Variants in PLAGL1 observed in about 807,000 individuals in gnomAD.
PLAGL1 encodes the protein zinc finger protein PLAGL1.
A neutral mutation model predicts 4.6 loss-of-function variants in PLAGL1; 1 was observed. The ratio of observed to expected loss-of-function variants is 0.22; its 90% CI spans 0.08 to 1.03. PLAGL1 has a LOEUF of 1.03. PLAGL1 is among the 50% of genes least tolerant of loss of function. PLAGL1 has a pLI of 0.58. For missense variants in PLAGL1, 464 were observed against 570.4 expected, an observed-to-expected ratio of 0.81 and a Z score of 1.90; for synonymous variants, 240 against 237.8, an observed-to-expected ratio of 1.01 and a Z score of -0.08.
At chr6:144,020,441 C>T (rs886143634) in intron 1 of PLAGL1, among the ~76,000 whole-genome samples, 5 of 151,966 alleles carry the variant, frequency 3.3e-5, no homozygotes, top group African/African-American at 4.8e-5. Context: ...GTGCGGGTCA[C>T]CACACCCAGT....
chr6:144,023,768 C>CTTTTTTTTTTTT (rs34002736), intron 1 of PLAGL1, among the ~76,000 whole-genome samples: 3 of 72,638 alleles, frequency 4.1e-5, no homozygotes, highest in African/African-American at 1.1e-4. Flanking sequence ...TCATATTTAG[C>CTTTTTTTTTTTT]TTTTTTTTTT....
At chr6:144,021,482 C>A (rs1276560754) in intron 1 of PLAGL1, among the ~76,000 whole-genome samples, 3 of 152,128 alleles carry the variant, frequency 2.0e-5, no homozygotes, top group Non-Finnish European at 2.9e-5. Flanking sequence ...CGGAGAAAAA[C>A]AACTTTTATA....
At chr6:144,043,797 C>T (rs911287093) in intron 1 of PLAGL1, among the ~76,000 whole-genome samples, 4 of 152,198 alleles carry the variant, frequency 2.6e-5, no homozygotes, top group East Asian at 3.9e-4. Flanking sequence ...GCTGTGAATC[C>T]GTCTGGTCCT....
rs1023756723 is a variant in PLAGL1, at chr6:143,947,523, C to T, written c.152+462G>A. On this transcript the variant is annotated intron_variant, in intron 7 of 7. Transcript: ENST00000674357. This position sits in a 1 kb window ranked among gnomAD's most constrained non-coding sequence, Gnocchi z 4.3. ...CTCATCTGCTCCTCCTCGGATAGTA[C>T]CCTCTGCACATGGGTGCTTTAAGGC... is the stretch of plus-strand genomic sequence containing the variant. 3.9e-5 allele frequency among the ~76,000 whole-genome samples: 6 copies of T among 152,238 alleles called. No homozygotes were observed. Among genetic ancestry groups the T allele is most frequent in the Non-Finnish European group, 7.3e-5 (5 of 68,046 alleles).
In PLAGL1 at chr6:144,019,222, C is replaced by G. The variant is rs555285947; in HGVS notation, c.-151+45246G>C. Reference sequence around the variant, plus strand: ...AGGCACTGTGGCTCATGCCTGTAATCCCAGCACTTTGGGAGGCCAAGTGGG... The same window carrying G: ...AGGCACTGTGGCTCATGCCTGTAATGCCAGCACTTTGGGAGGCCAAGTGGG... On this transcript the variant is annotated intron_variant, in intron 1 of 3. Coordinates refer to the PLAGL1 transcript ENST00000437412. Among the ~76,000 whole-genome samples, 5 of 152,274 alleles carry G rather than the reference C, an allele frequency of 3.3e-5. No homozygotes were observed. In the East Asian group the frequency reaches 7.7e-4, roughly 24 times the overall value.
chr6:144,063,535 C>T lies in PLAGL1; in HGVS notation c.-151+933G>A, dbSNP rs973693174. Among the ~76,000 whole-genome samples the T allele has an allele frequency of 6.6e-6, 1 of 152,240 alleles. No homozygotes were observed. Among genetic ancestry groups the T allele is most frequent in the Non-Finnish European group, 1.5e-5 (1 of 68,048 alleles). On this transcript the variant is annotated intron_variant, in intron 1 of 3. Coordinates refer to the PLAGL1 transcript ENST00000437412. This position sits in a 1 kb window ranked among gnomAD's most constrained non-coding sequence, Gnocchi z 5.7. ...TAGGCAGCGACGCACAAAACATAAA[C>T]CCTGTCATATCATTATTTATTCCGT...
At position 143,950,097 on chromosome 6, in the gene PLAGL1, A is replaced by G. The variant is rs1459135957; in HGVS notation, c.-324-1637T>C. On this transcript the variant is annotated intron_variant, in intron 6 of 7. Coordinates refer to ENST00000674357, the MANE Select transcript of PLAGL1 (RefSeq NM_001317162.2). The surrounding 1 kb of genome is among the most constrained non-coding windows in gnomAD (Gnocchi z 6.3). ...CGGTACCAAGCAAATACCCCTCACC[A>G]TCCTGCCTCACCCACTTGGAAACGT... Among the ~76,000 whole-genome samples, 1 of 152,054 alleles carries G rather than the reference A, an allele frequency of 6.6e-6. No homozygotes were observed. The highest frequency in any genetic ancestry group is 6.5e-5 in the Admixed American group (1 of 15,268).
chr6:143,972,852 G>C lies in PLAGL1; in HGVS notation c.-543-3874C>G, dbSNP rs1785696543. 6.6e-6 allele frequency among the ~76,000 whole-genome samples: 1 copy of C among 152,164 alleles called. No individual in the cohort carries two copies. Among genetic ancestry groups the C allele is most frequent in the Admixed American group, 6.5e-5 (1 of 15,278 alleles). ...TACTCTACTTCTGTGTTTAAAAAAA[G>C]AGGGCGGGTGGAGAATCAACTTCTA... On this transcript the variant is annotated intron_variant, in intron 2 of 7. Transcript: ENST00000674357. This position sits in a 1 kb window ranked among gnomAD's most constrained non-coding sequence, Gnocchi z 6.8.
At position 143,959,085 on chromosome 6, in the gene PLAGL1, G is replaced by A. The variant is rs1439003454; in HGVS notation, c.-325+1384C>T. 6.6e-6 allele frequency among the ~76,000 whole-genome samples: 1 copy of A among 152,196 alleles called. No homozygotes were observed. Among genetic ancestry groups the A allele is most frequent in the Non-Finnish European group, 1.5e-5 (1 of 68,036 alleles). On this transcript the variant is annotated intron_variant, in intron 6 of 7. Coordinates refer to ENST00000674357, the MANE Select transcript of PLAGL1 (RefSeq NM_001317162.2). This position sits in a 1 kb window ranked among gnomAD's most constrained non-coding sequence, Gnocchi z 5.3. ...GCAGGCAGCTTTCATGTGCTGCTCT[G>A]CGCTCCCCGTCGCCCCGGAGGCCGG...
rs185096879 is a variant in PLAGL1, at chr6:144,053,425, C to T, written c.-151+11043G>A. Among the ~76,000 whole-genome samples, 16 of 152,336 alleles carry T rather than the reference C, an allele frequency of 1.1e-4. No homozygotes were observed. The East Asian group carries it at 2.9e-3, about 28-fold the overall frequency. ...CTGGTGTTACAGGCGTGAGCCACCA[C>T]ACCCGGCCTAATTAGTCATTAATTC... On this transcript the variant is annotated intron_variant, in intron 1 of 3. Coordinates refer to the PLAGL1 transcript ENST00000437412. The surrounding 1 kb of genome is among the most constrained non-coding windows in gnomAD (Gnocchi z 4.0).
intron 1 of PLAGL1, among the ~76,000 whole-genome samples, chr6:144,030,043 G>A (rs569219075): frequency 3.8e-4 from 58 of 152,168 alleles, no homozygotes; most frequent in Non-Finnish European, 7.5e-4. Flanking sequence ...CATGAGGTCA[G>A]GAGATCGAGA....
Position 144,054,922 on chromosome 6 carries a change from T to C in PLAGL1, c.-151+9546A>G, listed in dbSNP as rs1010610157. On this transcript the variant is annotated intron_variant, in intron 1 of 3. Transcript: ENST00000437412. ...AAATTTGTAAAGGAAATGCAACATA[T>C]AAATAATAGAAATTTAATGCCATTT... 2.0e-5 allele frequency among the ~76,000 whole-genome samples: 3 copies of C among 152,004 alleles called. No homozygotes were observed. In the South Asian group the frequency reaches 6.2e-4, roughly 31 times the overall value.
chr6:143,964,140 C>T lies in PLAGL1; in HGVS notation c.-399+647G>A, dbSNP rs1783946907. On this transcript the variant is annotated intron_variant, in intron 5 of 7. Coordinates refer to ENST00000674357, the MANE Select transcript of PLAGL1 (RefSeq NM_001317162.2). This position sits in a 1 kb window ranked among gnomAD's most constrained non-coding sequence, Gnocchi z 4.3. ...TATGTCAGTCCCCAGCAATAGAGGC[C>T]CTGGCACCCCTCTGTTCCCTAAGGC... Among the ~76,000 whole-genome samples the T allele has an allele frequency of 6.6e-6, 1 of 152,058 alleles. No individual in the cohort carries two copies. The highest frequency in any genetic ancestry group is 2.1e-4 in the South Asian group (1 of 4,820).
At chr6:144,014,351 A>C (rs1583704354) in intron 1 of PLAGL1, among the ~76,000 whole-genome samples, 1 of 151,924 alleles carries the variant, frequency 6.6e-6, no homozygotes, top group South Asian at 2.1e-4. Flanking sequence ...AATTGCTTTA[A>C]CCTTAAGGTG....
chr6:144,023,270 A>AT (rs1022581734), intron 1 of PLAGL1, among the ~76,000 whole-genome samples: 14 of 151,642 alleles, frequency 9.2e-5, no homozygotes, highest in Admixed American at 2.6e-4. Flanking sequence ...GGATTTGGGG[A>AT]TTTTTTTTTA....
In PLAGL1 at chr6:144,039,159, G is replaced by C. The variant is rs1797520533; in HGVS notation, c.-151+25309C>G. ...ATAAAAAGTGATTACAAATAAATAA[G>C]GAAGAGACAATCCAAAAGAAAAATG... On this transcript the variant is annotated intron_variant, in intron 1 of 3. Transcript: ENST00000437412. The surrounding 1 kb of genome is among the most constrained non-coding windows in gnomAD (Gnocchi z 4.1). Among the ~76,000 whole-genome samples, 1 of 151,900 alleles carries C rather than the reference G, an allele frequency of 6.6e-6. No homozygotes were observed. Among genetic ancestry groups the C allele is most frequent in the Admixed American group, 6.6e-5 (1 of 15,230 alleles).
chr6:143,952,364 G>A lies in PLAGL1; in HGVS notation c.-324-3904C>T, dbSNP rs1238545776. 1.3e-5 allele frequency among the ~76,000 whole-genome samples: 2 copies of A among 152,188 alleles called. No homozygotes were observed. Among genetic ancestry groups the A allele is most frequent in the African/African-American group, 4.8e-5 (2 of 41,430 alleles). On this transcript the variant is annotated intron_variant, in intron 6 of 7. Coordinates refer to ENST00000674357, the MANE Select transcript of PLAGL1 (RefSeq NM_001317162.2). This position sits in a 1 kb window ranked among gnomAD's most constrained non-coding sequence, Gnocchi z 6.1. ...GACTTGACATAGAAATTGCATTTGA[G>A]TCTTAAATACGGTGCTATTTCAACA...
chr6:143,992,934 TGCCACC>T (rs754763236), intron 1 of PLAGL1, among the ~76,000 whole-genome samples: 41 of 151,404 alleles, frequency 2.7e-4, no homozygotes, highest in Middle Eastern at 7.0e-3. Context: ...GCCGAGATCC[TGCCACC>T]GCACTCCAGC....
chr6:143,977,730 C>T (rs920335218), intron 2 of PLAGL1, among the ~76,000 whole-genome samples: 19 of 152,016 alleles, frequency 1.2e-4, no homozygotes, highest in Admixed American at 1.2e-3. Context: ...GAACTCCCAA[C>T]TTTCAGTGAT....
Sources: allele counts gnomAD v4.1 joint callset (sites outside exome capture counted in the v4.1 genomes callset), GRCh38; gene constraint gnomAD v4.1.1; non-coding constraint Gnocchi (gnomAD v3.1); transcripts MANE v1.5; gene names NCBI Gene and HGNC (gene_info 2026-07-23, HGNC 2026-07-21).